Variants in CLPTM1 observed in about 807,000 individuals in gnomAD.
The protein encoded by CLPTM1 is putative lipid scramblase CLPTM1.
A neutral mutation model predicts 77.3 loss-of-function variants in CLPTM1; 21 were observed. That is an observed-to-expected ratio of 0.27 (90% confidence interval 0.19 to 0.39). CLPTM1 has a LOEUF of 0.39. Among genes scored for constraint, CLPTM1 ranks in the 10% least tolerant of loss-of-function variants. The probability of loss-of-function intolerance (pLI) is 1.00; values close to 1 mark genes in which losing one functional copy is unlikely to be tolerated. For synonymous variants in CLPTM1, 373 were observed against 381.0 expected, an observed-to-expected ratio of 0.98 and a Z score of 0.24; for missense variants, 642 against 921.2, an observed-to-expected ratio of 0.70 and a Z score of 3.92.
chr19:44,967,579 C>G (rs1029461639), intron 2 of CLPTM1, among the ~76,000 whole-genome samples: 2 of 151,886 alleles, frequency 1.3e-5, no homozygotes, highest in African/African-American at 4.8e-5. Flanking sequence ...ATCGCTTGAA[C>G]CCGGGAGGCG....
In CLPTM1 at chr19:44,962,093, G is replaced by C. The variant is rs759839621; in HGVS notation, c.185+18G>C. 12 of 1,472,114 alleles carry C rather than the reference G, an allele frequency of 8.2e-6. No individual in the cohort carries two copies. In the African/African-American group the frequency reaches 1.8e-4, roughly 22 times the overall value. 91.2% of individuals were successfully genotyped at this position (1,472,114 alleles called of 1,614,324 possible). A position where few individuals can be genotyped will look rare whatever the true frequency, so the allele number is the denominator to read the frequency against. On this transcript the variant is annotated intron_variant, in intron 2 of 13. Coordinates refer to ENST00000337392, the MANE Select transcript of CLPTM1 (RefSeq NM_001294.4). ...CTGTTTAGGTGAGCAGACGGGACTTGGGTTTGTTCACCGAAAACATTCAAA... is the reference window on the plus strand; with the variant it reads ...CTGTTTAGGTGAGCAGACGGGACTTCGGTTTGTTCACCGAAAACATTCAAA...
intron 1 of CLPTM1, among the ~76,000 whole-genome samples, chr19:44,958,526 C>T (rs149532596): frequency 0.013 from 1,929 of 152,244 alleles, 39 homozygotes; most frequent in African/African-American, 0.041. Context: ...CACCTGCCAC[C>T]ACACCCAGCT....
intron 3 of CLPTM1, 108 bp downstream of exon 3, chr19:44,973,318 C>T (rs1463474203): frequency 6.8e-7 from 1 of 1,476,612 alleles, no homozygotes; most frequent in Non-Finnish European, 9.2e-7. Context: ...TGCTCACTGG[C>T]AGGTCTAGGA....
chr19:44,967,852 G>A (rs1321235288), intron 2 of CLPTM1, among the ~76,000 whole-genome samples: 1 of 152,044 alleles, frequency 6.6e-6, no homozygotes, highest in African/African-American at 2.4e-5. Flanking sequence ...TGTGCCCTAC[G>A]CTTCTCAGTC....
chr19:44,969,687 CTTTT>C (rs11330180), intron 2 of CLPTM1, among the ~76,000 whole-genome samples: 2 of 132,516 alleles, frequency 1.5e-5, no homozygotes, highest in Admixed American at 1.6e-4. Flanking sequence ...TTTAAGGACA[CTTTT>C]TTTTTTTTTT....
intron 5 of CLPTM1, among the ~76,000 whole-genome samples, chr19:44,981,941 G>T (rs1275537244): frequency 6.6e-6 from 1 of 152,030 alleles, no homozygotes; most frequent in African/African-American, 2.4e-5. Context: ...AAAACCATGA[G>T]ATTAATATCA....
intron 5 of CLPTM1, among the ~76,000 whole-genome samples, chr19:44,984,980 T>C (rs1970954946): frequency 1.3e-5 from 2 of 152,130 alleles, no homozygotes; most frequent in South Asian, 4.1e-4. Context: ...CCTACTGAGC[T>C]GGGGTTTCTG....
chr19:44,969,305 CAGTA>C (rs1469943528), intron 2 of CLPTM1, among the ~76,000 whole-genome samples: 1 of 152,132 alleles, frequency 6.6e-6, no homozygotes, highest in Middle Eastern at 3.2e-3. Context: ...ACTGAGGTCA[CAGTA>C]AGTAGCAGAG....
chr19:44,955,652 TGTTGCGG>T, intron 1 of CLPTM1, 185 bp downstream of exon 1: 1 of 518,438 alleles, frequency 1.9e-6, no homozygotes, highest in Non-Finnish European at 2.9e-6. Flanking sequence ...AACAGGGCCC[TGTTGCGG>T]GTCGGTTCCC....
upstream of CLPTM1, chr19:44,955,086 G>C: frequency 1.3e-6 from 2 of 1,535,742 alleles, no homozygotes; most frequent in Non-Finnish European, 8.7e-7. Context: ...AACCGAAAAG[G>C]CGGGTTAATG....
In CLPTM1 at chr19:44,986,504, A is replaced by G; in HGVS notation, c.722A>G (p.Asn241Ser). The G allele has an allele frequency of 6.2e-7, 1 of 1,614,142 alleles. No homozygotes were observed. Among genetic ancestry groups the G allele is most frequent in the East Asian group, 2.2e-5 (1 of 44,882 alleles). ...PVEVISHWHP[N>S]ITINIVDDHT... Reference sequence around the variant, plus strand: ...GAGGTGATCTCCCATTGGCACCCCAACATCACCATCAACATCGTGGACGAC... The same window carrying G: ...GAGGTGATCTCCCATTGGCACCCCAGCATCACCATCAACATCGTGGACGAC... The change falls in exon 7 of 14, where the codon AAC (asparagine) becomes AGC (serine). Residue 241 changes from asparagine (N) to serine (S), a missense_variant. Coordinates refer to ENST00000337392, the MANE Select transcript of CLPTM1 (RefSeq NM_001294.4).
intron 2 of CLPTM1, among the ~76,000 whole-genome samples, chr19:44,966,766 G>C (rs1446356254): frequency 1.3e-5 from 2 of 151,742 alleles, no homozygotes; most frequent in African/African-American, 2.4e-5. Context: ...GACAATGTTG[G>C]CCATGATTCC....
chr19:44,982,513 C>G (rs773288259), intron 5 of CLPTM1, among the ~76,000 whole-genome samples: 6 of 152,210 alleles, frequency 3.9e-5, no homozygotes, highest in Non-Finnish European at 8.8e-5. Context: ...TTCCTCCCCA[C>G]AGGAGCCAGG....
At chr19:44,987,058 A>T (rs1454579933) in intron 7 of CLPTM1, 121 bp from the exon 8 acceptor site, 1 of 1,317,600 alleles carries the variant, frequency 7.6e-7, no homozygotes, top group Non-Finnish European at 1.0e-6. Context: ...TGGCCTAGAA[A>T]TGTCCCCTGT....
intron 5 of CLPTM1, among the ~76,000 whole-genome samples, chr19:44,981,853 G>T (rs1007288437): frequency 1.3e-5 from 2 of 152,030 alleles, no homozygotes; most frequent in Non-Finnish European, 2.9e-5. Context: ...TGAGGCTGCA[G>T]TGATCACACC....
At chr19:44,971,899 TCTCA>T (rs1394427942) in intron 2 of CLPTM1, among the ~76,000 whole-genome samples, 1 of 107,050 alleles carries the variant, frequency 9.3e-6, no homozygotes, top group Non-Finnish European at 1.8e-5. Flanking sequence ...TGAGATGGAG[TCTCA>T]CTCTGTTGCA....
chr19:44,988,344 A>C (rs1971016159), intron 9 of CLPTM1, among the ~76,000 whole-genome samples, 171 bp downstream of exon 9: 2 of 152,054 alleles, frequency 1.3e-5, no homozygotes, highest in Admixed American at 1.3e-4. Context: ...AAAACTCCCA[A>C]CCCAGAAATT....
chr19:44,970,095 G>A (rs1970694880), intron 2 of CLPTM1, among the ~76,000 whole-genome samples: 1 of 147,714 alleles, frequency 6.8e-6, no homozygotes, highest in Non-Finnish European at 1.5e-5. Flanking sequence ...TTATTTGTAG[G>A]AATTTCAGGG....
At chr19:44,963,289 C>G (rs1021957892) in intron 2 of CLPTM1, among the ~76,000 whole-genome samples, 1 of 145,156 alleles carries the variant, frequency 6.9e-6, no homozygotes, top group African/African-American at 2.6e-5. Context: ...GTAGGAGGAT[C>G]ACTTGAGCCT....
Sources: allele counts gnomAD v4.1 joint callset (sites outside exome capture counted in the v4.1 genomes callset), GRCh38; gene constraint gnomAD v4.1.1; transcripts MANE v1.5; gene names NCBI Gene and HGNC (gene_info 2026-07-23, HGNC 2026-07-21).